Variants in GRB14 observed in about 807,000 individuals in gnomAD.
The protein encoded by GRB14 is growth factor receptor bound protein 14.
A neutral mutation model predicts 69.1 loss-of-function variants in GRB14; 38 were observed. The ratio of observed to expected loss-of-function variants is 0.55; its 90% confidence interval spans 0.42 to 0.72. The LOEUF is 0.72. Ranked by LOEUF, GRB14 falls within the 30% of genes least tolerant of loss-of-function variation. The pLI is 0.00. For synonymous variants in GRB14, 247 were observed against 241.3 expected, an observed-to-expected ratio of 1.02 and a Z score of -0.22; for missense variants, 666 against 666.1, an observed-to-expected ratio of 1.00 and a Z score of 0.00.
chr2:164,620,725 G>C (rs1690437081), intron 1 of GRB14, among the ~76,000 whole-genome samples: 1 of 152,038 alleles, frequency 6.6e-6, no homozygotes, highest in Admixed American at 6.6e-5. Flanking sequence ...GCTTCTACAG[G>C]GTCGCTGTAA....
At chr2:164,553,434 A>T (rs1174588981) in intron 2 of GRB14, among the ~76,000 whole-genome samples, 1 of 152,176 alleles carries the variant, frequency 6.6e-6, no homozygotes, top group Admixed American at 6.5e-5. Flanking sequence ...AGAAAAATTT[A>T]ATATTTTTGT....
chr2:164,573,611 T>C (rs1436255972), intron 2 of GRB14: 4 of 1,315,516 alleles, frequency 3.0e-6, no homozygotes, highest in South Asian at 1.4e-5. Context: ...AATAGTTTTA[T>C]TATTTCATCT....
chr2:164,512,342 T>C (rs1268425729), intron 6 of GRB14, among the ~76,000 whole-genome samples: 1 of 152,100 alleles, frequency 6.6e-6, no homozygotes, highest in Non-Finnish European at 1.5e-5. Flanking sequence ...AATTTTTGTA[T>C]TTTTAGTAGA....
intron 6 of GRB14, among the ~76,000 whole-genome samples, chr2:164,515,126 C>T (rs1687446565): frequency 6.6e-6 from 1 of 152,148 alleles, no homozygotes; most frequent in South Asian, 2.1e-4. Context: ...CTCTACCTGC[C>T]CTGGTAGCCA....
intron 2 of GRB14, among the ~76,000 whole-genome samples, chr2:164,574,240 T>A (rs1442208702): frequency 6.6e-6 from 1 of 150,570 alleles, no homozygotes; most frequent in South Asian, 2.1e-4. Flanking sequence ...GGAAAAATTA[T>A]CTTTTTTTTT....
In GRB14 at chr2:164,508,946, T is replaced by C. The variant is rs188307534; in HGVS notation, c.817-94A>G. On this transcript the variant is annotated intron_variant, in intron 6 of 13. Transcript: ENST00000263915. ...AATTTATACCTTGGGCAAAAACTTA[T>C]GACCAACAGAAGTTCAATATGATGC... 7.6e-5 allele frequency: 54 copies of C among 709,660 alleles called. No individual in the cohort carries two copies. In the Admixed American group the frequency reaches 1.9e-3, roughly 24 times the overall value. 44.0% of individuals were successfully genotyped at this position (709,660 alleles called of 1,614,324 possible). A position where few individuals can be genotyped will look rare whatever the true frequency, so the allele number is the denominator to read the frequency against.
At chr2:164,501,986 T>G (rs1340933475) in intron 9 of GRB14, among the ~76,000 whole-genome samples, 1 of 151,950 alleles carries the variant, frequency 6.6e-6, no homozygotes, top group Non-Finnish European at 1.5e-5. Context: ...GACACATAAT[T>G]GTTTCAAATA....
chr2:164,580,928 T>G (rs1689387595), intron 2 of GRB14, among the ~76,000 whole-genome samples: 1 of 152,176 alleles, frequency 6.6e-6, no homozygotes, highest in East Asian at 1.9e-4. Flanking sequence ...CTCTACCCAT[T>G]GGGCTCCTGG....
chr2:164,497,599 G>A (rs1686938807), intron 9 of GRB14, 109 bp from the exon 10 acceptor site: 6 of 740,648 alleles, frequency 8.1e-6, no homozygotes, highest in Middle Eastern at 3.6e-4. Context: ...TGTTTTTCTG[G>A]CAGTACATTT....
intron 2 of GRB14, among the ~76,000 whole-genome samples, chr2:164,605,170 G>C (rs1690014121): frequency 1.3e-5 from 2 of 152,172 alleles, no homozygotes; most frequent in Admixed American, 1.3e-4. Context: ...TGTTGCAATA[G>C]CAGAGAAGTT....
intron 2 of GRB14, among the ~76,000 whole-genome samples, chr2:164,592,277 G>A (rs2105346538): frequency 6.6e-6 from 1 of 152,226 alleles, no homozygotes; most frequent in South Asian, 2.1e-4. Flanking sequence ...TGGGACTACA[G>A]GTGCCTATCA....
At chr2:164,505,073 T>A (rs1411098708) in intron 8 of GRB14, among the ~76,000 whole-genome samples, 1 of 152,228 alleles carries the variant, frequency 6.6e-6, no homozygotes, top group Non-Finnish European at 1.5e-5. Context: ...ACACCTTGAC[T>A]TAATCCAGTA....
At chr2:164,568,198 A>G in intron 2 of GRB14, 1 of 438,532 alleles carries the variant, frequency 2.3e-6, no homozygotes, top group South Asian at 2.4e-5. Context: ...TTAATGAATT[A>G]TAGGCTCTTT....
intron 2 of GRB14, among the ~76,000 whole-genome samples, chr2:164,586,635 G>T (rs991541474): frequency 6.6e-6 from 1 of 152,176 alleles, no homozygotes; most frequent in East Asian, 1.9e-4. Flanking sequence ...TCAGAAATGA[G>T]CCAGTGCTAC....
At chr2:164,526,169 TTAAGA>T (rs1687769408) in intron 4 of GRB14, among the ~76,000 whole-genome samples, 1 of 152,100 alleles carries the variant, frequency 6.6e-6, no homozygotes, top group South Asian at 2.1e-4. Flanking sequence ...TATTAATAGG[TTAAGA>T]TAAAAGACAA....
At chr2:164,541,584 C>T (rs1688240759) in intron 3 of GRB14, among the ~76,000 whole-genome samples, 1 of 151,640 alleles carries the variant, frequency 6.6e-6, no homozygotes, top group African/African-American at 2.4e-5. Context: ...CACTGCACTC[C>T]ACCTCAGGCA....
intron 3 of GRB14, among the ~76,000 whole-genome samples, chr2:164,535,029 A>T (rs1688044987): frequency 6.6e-6 from 1 of 152,144 alleles, no homozygotes; most frequent in Non-Finnish European, 1.5e-5. Flanking sequence ...GTCAACTACC[A>T]CTCATATGTA....
chr2:164,523,523 A>C, intron 5 of GRB14, among the ~76,000 whole-genome samples: 1 of 152,126 alleles, frequency 6.6e-6, no homozygotes, highest in East Asian at 1.9e-4. Context: ...AAGGCTACTA[A>C]AGGAAATGCT....
intron 6 of GRB14, 73 bp downstream of exon 6, chr2:164,521,907 A>G (rs978853836): frequency 1.1e-5 from 15 of 1,317,744 alleles, no homozygotes; most frequent in Admixed American, 4.5e-5. Flanking sequence ...AGTAATAAAT[A>G]CAACAAAGTC....
Sources: gnomAD v4.1 joint callset for allele counts (sites outside exome capture counted in the v4.1 genomes callset) on GRCh38, gnomAD v4.1.1 for gene constraint, MANE v1.5 for transcripts, NCBI Gene and HGNC (gene_info 2026-07-23, HGNC 2026-07-21) for gene names.